Variants in PLCB1 observed in about 807,000 individuals in gnomAD.
PLCB1 encodes the protein 1-phosphatidylinositol 4,5-bisphosphate phosphodiesterase beta-1.
PLCB1 carries 46 observed loss-of-function variants against 161.8 expected under a neutral mutation model. That is an observed-to-expected ratio of 0.28 (90% CI 0.22 to 0.36). The LOEUF (loss-of-function observed/expected upper bound fraction) is 0.36. Ranked by LOEUF, PLCB1 falls within the 10% of genes least tolerant of loss-of-function variation. The probability of loss-of-function intolerance (pLI) is 1.00; values close to 1 mark genes in which losing one functional copy is unlikely to be tolerated. For synonymous variants in PLCB1, 517 were observed against 503.7 expected (o/e 1.03, Z -0.35); for missense variants, 1,016 against 1,472.5 (o/e 0.69, Z 5.07).
chr20:8,629,933 CCTTT>C (rs1422321711), intron 4 of PLCB1, among the ~76,000 whole-genome samples: 7 of 138,588 alleles, frequency 5.1e-5, no homozygotes, highest in South Asian at 4.9e-4. Flanking sequence ...TCTCTTCTTT[CCTTT>C]CTTTCTCTCT....
chr20:8,818,043 G>A (rs1985160664), intron 31 of PLCB1, among the ~76,000 whole-genome samples: 1 of 152,148 alleles, frequency 6.6e-6, no homozygotes, highest in Non-Finnish European at 1.5e-5. Context: ...GGAAAATATG[G>A]TAGAGAGATC....
At position 8,812,769 on chromosome 20, in the gene PLCB1, A is replaced by G. The variant is rs767309462; in HGVS notation, c.3423+22508A>G. Among the ~76,000 whole-genome samples the G allele has an allele frequency of 4.6e-5, 7 of 152,236 alleles. No individual in the cohort carries two copies. In the South Asian group the frequency reaches 1.4e-3, roughly 31 times the overall value. ...CTTTACAAGCTTCAACTTTACCCAAAGAGACTGACTCATGCAAAAAAACGT... is the reference window on the plus strand; with the variant it reads ...CTTTACAAGCTTCAACTTTACCCAAGGAGACTGACTCATGCAAAAAAACGT... On this transcript the variant is annotated intron_variant, in intron 31 of 31. Transcript: ENST00000338037.
chr20:8,866,947 A>G (rs1289970595), intron 31 of PLCB1, among the ~76,000 whole-genome samples: 1 of 152,236 alleles, frequency 6.6e-6, no homozygotes, highest in Non-Finnish European at 1.5e-5. Context: ...ATACTCCCTT[A>G]AGCATCAAAA....
chr20:8,350,008 G>A (rs1986131781), intron 2 of PLCB1, among the ~76,000 whole-genome samples: 1 of 152,140 alleles, frequency 6.6e-6, no homozygotes, highest in African/African-American at 2.4e-5. Context: ...AGTAAAGCAA[G>A]ATGCAATATC....
intron 3 of PLCB1, among the ~76,000 whole-genome samples, chr20:8,538,408 G>T (rs1294869686): frequency 6.6e-6 from 1 of 152,104 alleles, no homozygotes; most frequent in Admixed American, 6.5e-5. Context: ...GTGCAGTGTT[G>T]CAACCATGGC....
chr20:8,814,290 T>A (rs918115673), intron 31 of PLCB1, among the ~76,000 whole-genome samples: 1 of 152,254 alleles, frequency 6.6e-6, no homozygotes, highest in Non-Finnish European at 1.5e-5. Context: ...GACAGGATTC[T>A]GGCCTTTTGG....
At chr20:8,283,558 AAAAT>A (rs934580482) in intron 2 of PLCB1, among the ~76,000 whole-genome samples, 8 of 132,560 alleles carry the variant, frequency 6.0e-5, no homozygotes, top group African/African-American at 1.5e-4. Context: ...ATAAATAAAT[AAAAT>A]AAATCAATCA....
intron 2 of PLCB1, among the ~76,000 whole-genome samples, chr20:8,327,038 A>C (rs1985182535): frequency 6.6e-6 from 1 of 152,182 alleles, no homozygotes; most frequent in Admixed American, 6.5e-5. Flanking sequence ...GGCGTGCGCC[A>C]CCATGCTTGG....
chr20:8,665,052 C>T (rs1989775954), intron 9 of PLCB1, among the ~76,000 whole-genome samples: 1 of 152,072 alleles, frequency 6.6e-6, no homozygotes, highest in Non-Finnish European at 1.5e-5. Context: ...CCACACGGAC[C>T]GACAATTGGA....
At position 8,371,435 on chromosome 20, in the gene PLCB1, C is replaced by T. The variant is rs773937907; in HGVS notation, c.231C>T (p.His77=). ...TCAAAGATGCCAGATGTGGGAGACACGCCAAAGCTCCCAAGGTAGGAGGTT... is the reference window on the plus strand; with the variant it reads ...TCAAAGATGCCAGATGTGGGAGACATGCCAAAGCTCCCAAGGTAGGAGGTT... ...SLVKDARCGR[H]AKAPKDPKLR... The change falls in exon 3 of 32, where the codon CAC becomes CAT. Residue 77 remains histidine, a synonymous_variant. Transcript: ENST00000338037. The T allele has an allele frequency of 4.3e-5, 70 of 1,612,518 alleles. No individual in the cohort carries two copies. In the East Asian group the frequency reaches 5.4e-4, roughly 12 times the overall value.
At chr20:8,338,102 G>A (rs1167614557) in intron 2 of PLCB1, among the ~76,000 whole-genome samples, 2 of 152,028 alleles carry the variant, frequency 1.3e-5, no homozygotes, top group African/African-American at 2.4e-5. Flanking sequence ...CGGTACTTCC[G>A]GACTGATTCA....
At chr20:8,541,600 G>GAAATAAAT (rs1555769071) in intron 3 of PLCB1, among the ~76,000 whole-genome samples, 12 of 150,764 alleles carry the variant, frequency 8.0e-5, no homozygotes, top group South Asian at 2.1e-4. Flanking sequence ...AAGAAAGAAA[G>GAAATAAAT]AAAGAAAGGA....
chr20:8,631,567 C>G (rs1054143972), intron 4 of PLCB1, among the ~76,000 whole-genome samples: 1 of 152,186 alleles, frequency 6.6e-6, no homozygotes, highest in South Asian at 2.1e-4. Context: ...AGAATCAGCA[C>G]TCTCCACCAC....
intron 3 of PLCB1, among the ~76,000 whole-genome samples, chr20:8,595,541 A>G (rs1987312549): frequency 1.5e-5 from 2 of 134,714 alleles, no homozygotes; most frequent in Non-Finnish European, 3.2e-5. Flanking sequence ...TGCTATTGTG[A>G]ATAATGCCAC....
intron 31 of PLCB1, among the ~76,000 whole-genome samples, chr20:8,867,152 G>A (rs932636774): frequency 2.0e-5 from 3 of 152,154 alleles, no homozygotes; most frequent in South Asian, 2.1e-4. Flanking sequence ...GCTTTGAGTC[G>A]AGAAAGTGGT....
chr20:8,399,907 G>A (rs998959699), intron 3 of PLCB1, among the ~76,000 whole-genome samples: 5 of 152,022 alleles, frequency 3.3e-5, no homozygotes, highest in Non-Finnish European at 4.4e-5. Context: ...AGAAATCCAT[G>A]CCATCATATA....
chr20:8,773,105 C>T (rs1488324035), intron 26 of PLCB1, among the ~76,000 whole-genome samples: 9 of 152,180 alleles, frequency 5.9e-5, no homozygotes, highest in Non-Finnish European at 1.3e-4. Context: ...CCTTATTTGA[C>T]AAAATCTGAT....
chr20:8,585,163 C>A (rs1986951930), intron 3 of PLCB1, among the ~76,000 whole-genome samples: 1 of 152,152 alleles, frequency 6.6e-6, no homozygotes, highest in Non-Finnish European at 1.5e-5. Context: ...AAAATGCTTC[C>A]AAGACTCTCA....
intron 3 of PLCB1, among the ~76,000 whole-genome samples, chr20:8,601,058 C>A (rs1458436020): frequency 6.6e-6 from 1 of 152,150 alleles, no homozygotes; most frequent in Non-Finnish European, 1.5e-5. Context: ...AATCACCCGT[C>A]TTCTGCGTCG....
Sources: allele counts gnomAD v4.1 joint callset (sites outside exome capture counted in the v4.1 genomes callset), GRCh38; gene constraint gnomAD v4.1.1; transcripts MANE v1.5; gene names NCBI Gene and HGNC (gene_info 2026-07-23, HGNC 2026-07-21).